The following TDRD3 variants were observed in gnomAD, a reference collection of about 807,000 sequenced individuals.
TDRD3 encodes the protein tudor domain-containing protein 3.
Under a neutral mutation model 86.7 loss-of-function variants are expected in TDRD3, and 45 were observed. That is an observed-to-expected ratio of 0.52 (90% confidence interval 0.41 to 0.67). TDRD3 has a LOEUF of 0.67. Among genes scored for constraint, TDRD3 ranks in the 30% least tolerant of loss-of-function variants. TDRD3 has a pLI of 0.00. For synonymous variants in TDRD3, 298 were observed against 301.7 expected (o/e 0.99, Z 0.13); for missense variants, 814 against 889.0 (o/e 0.92, Z 1.07).
At chr13:60,474,264 G>A (rs1334276845) in intron 5 of TDRD3, among the ~76,000 whole-genome samples, 1 of 152,150 alleles carries the variant, frequency 6.6e-6, no homozygotes, top group Non-Finnish European at 1.5e-5. Flanking sequence ...ACCTATCATT[G>A]TAGATGGCTC....
intron 1 of TDRD3, among the ~76,000 whole-genome samples, chr13:60,398,391 A>C (rs1021978416): frequency 1.3e-5 from 2 of 152,238 alleles, no homozygotes; most frequent in South Asian, 2.1e-4. Context: ...TTACTTTCCT[A>C]AAGTGGACTT....
chr13:60,483,264 A>G (rs1487540792), intron 5 of TDRD3, among the ~76,000 whole-genome samples: 2 of 152,158 alleles, frequency 1.3e-5, no homozygotes, highest in Non-Finnish European at 2.9e-5. Context: ...AAAATTTAGT[A>G]TAAGGAAGGT....
chr13:60,464,303 C>T (rs543828527), intron 4 of TDRD3, among the ~76,000 whole-genome samples: 79 of 152,212 alleles, frequency 5.2e-4, no homozygotes, highest in Non-Finnish European at 8.8e-4. Context: ...CACCACTGAT[C>T]GGAATGTAAA....
chr13:60,478,033 T>C (rs1204608026), intron 5 of TDRD3, among the ~76,000 whole-genome samples: 1 of 151,704 alleles, frequency 6.6e-6, no homozygotes, highest in Non-Finnish European at 1.5e-5. Flanking sequence ...TTTTTTTTTA[T>C]TAATTATTCA....
At chr13:60,462,497 GA>G (rs1053193643) in intron 4 of TDRD3, among the ~76,000 whole-genome samples, 1 of 152,134 alleles carries the variant, frequency 6.6e-6, no homozygotes, top group African/African-American at 2.4e-5. Context: ...AAACAATTTG[GA>G]AGACATTATA....
chr13:60,434,370 A>C (rs939470723), intron 1 of TDRD3, among the ~76,000 whole-genome samples: 5 of 151,508 alleles, frequency 3.3e-5, no homozygotes, highest in African/African-American at 1.2e-4. Flanking sequence ...TGGGGGACTG[A>C]GCCATGAGAA....
intron 10 of TDRD3, among the ~76,000 whole-genome samples, chr13:60,518,671 A>G (rs1405888686): frequency 2.0e-5 from 3 of 152,198 alleles, no homozygotes; most frequent in Admixed American, 6.5e-5. Context: ...TGCGAGTTCT[A>G]GGCTTCATCT....
At chr13:60,499,551 A>G (rs950155799) in intron 8 of TDRD3, among the ~76,000 whole-genome samples, 3 of 152,256 alleles carry the variant, frequency 2.0e-5, no homozygotes, top group Admixed American at 1.3e-4. Context: ...CACTTCTGCA[A>G]GATATCACAC....
intron 1 of TDRD3, among the ~76,000 whole-genome samples, chr13:60,426,104 G>C (rs568810393): frequency 2.6e-4 from 39 of 152,244 alleles, no homozygotes; most frequent in African/African-American, 9.1e-4. Flanking sequence ...TTAAAAAGAA[G>C]GAGATCCTGC....
chr13:60,548,682 A>G (rs1957983975), intron 12 of TDRD3, among the ~76,000 whole-genome samples: 1 of 152,182 alleles, frequency 6.6e-6, no homozygotes, highest in Admixed American at 6.5e-5. Context: ...ATCAAATGCA[A>G]ATTGAAACAG....
intron 2 of TDRD3, among the ~76,000 whole-genome samples, chr13:60,442,892 T>C (rs1955313770): frequency 6.6e-6 from 1 of 152,024 alleles, no homozygotes; most frequent in South Asian, 2.1e-4. Context: ...CTAGTGCTCA[T>C]TTACTTTACA....
chr13:60,467,086 G>C lies in TDRD3; in HGVS notation c.354-152G>C, dbSNP rs1955958427. On this transcript the variant is annotated intron_variant, in intron 4 of 13. Coordinates refer to ENST00000377881, the MANE Select transcript of TDRD3 (RefSeq NM_001146070.2). ...TCTGCACCTATCAACCCATCACCTA[G>C]CTATTAAGCCCAGCATGCATTAGCT... 1.1e-5 allele frequency: 8 copies of C among 760,890 alleles called. No homozygotes were observed. In the South Asian group the frequency reaches 1.4e-4, roughly 13 times the overall value. The allele number at this position is 760,890 out of a possible 1,614,324, so 47.1% of individuals were successfully genotyped here.
chr13:60,531,359 C>T (rs543992646), intron 11 of TDRD3, among the ~76,000 whole-genome samples: 3 of 152,268 alleles, frequency 2.0e-5, no homozygotes, highest in Admixed American at 2.0e-4. Context: ...GATATTTCTC[C>T]TTCATGGTGG....
Position 60,439,776 on chromosome 13 carries a change from G to A in TDRD3, c.126+4G>A. On this transcript the variant is annotated splice_donor_region_variant and intron_variant, in intron 2 of 13. Coordinates refer to ENST00000377881, the MANE Select transcript of TDRD3 (RefSeq NM_001146070.2). ...CATCATCCTGATTGCTCTCAATGTA[G>A]GTTATATTTATTAACTTGTAAACAT... is the stretch of plus-strand genomic sequence containing the variant. 1.3e-6 allele frequency: 2 copies of A among 1,502,576 alleles called. No individual in the cohort carries two copies. Among genetic ancestry groups the A allele is most frequent in the Non-Finnish European group, 1.8e-6 (2 of 1,125,196 alleles). The allele number at this position is 1,502,576 out of a possible 1,614,324, so 93.1% of individuals were successfully genotyped here.
chr13:60,397,971 GCA>G (rs1953984089), intron 1 of TDRD3, among the ~76,000 whole-genome samples: 1 of 152,198 alleles, frequency 6.6e-6, no homozygotes, highest in South Asian at 2.1e-4. Context: ...GCCTTCCGCG[GCA>G]CACACACAAC....
intron 12 of TDRD3, among the ~76,000 whole-genome samples, chr13:60,563,505 A>G (rs924261031): frequency 8.5e-5 from 13 of 152,160 alleles, no homozygotes; most frequent in Non-Finnish European, 1.6e-4. Flanking sequence ...CTCAACTTCA[A>G]CACTGCTGGC....
At chr13:60,468,193 A>G (rs1467078993) in intron 5 of TDRD3, among the ~76,000 whole-genome samples, 3 of 152,066 alleles carry the variant, frequency 2.0e-5, no homozygotes, top group Non-Finnish European at 2.9e-5. Flanking sequence ...TTAATTTTCA[A>G]CTTTCTAAAT....
chr13:60,413,394 AGCTGAGATCAGTCCTG>A (rs1954414186), intron 1 of TDRD3, among the ~76,000 whole-genome samples: 1 of 152,140 alleles, frequency 6.6e-6, no homozygotes, highest in Non-Finnish European at 1.5e-5. Context: ...AATTCTCCTG[AGCTGAGATCAGTCCTG>A]GTTCTGCCAC....
intron 4 of TDRD3, among the ~76,000 whole-genome samples, chr13:60,466,577 C>A (rs1009971727): frequency 7.9e-5 from 12 of 152,152 alleles, no homozygotes; most frequent in Non-Finnish European, 1.8e-4. Flanking sequence ...CACCTGAGGT[C>A]ATGAGTTGGA....
Sources: gnomAD v4.1 joint callset for allele counts (sites outside exome capture counted in the v4.1 genomes callset) on GRCh38, gnomAD v4.1.1 for gene constraint, MANE v1.5 for transcripts, NCBI Gene and HGNC (gene_info 2026-07-23, HGNC 2026-07-21) for gene names.